Variants in ANAPC10 observed in about 807,000 individuals in gnomAD.
ANAPC10 encodes the protein anaphase promoting complex subunit 10.
A neutral mutation model predicts 22.0 loss-of-function variants in ANAPC10; 12 were observed. The ratio of observed to expected loss-of-function variants is 0.55; its 90% CI spans 0.35 to 0.88. ANAPC10 has a LOEUF of 0.88. Ranked by LOEUF, ANAPC10 falls within the 40% of genes least tolerant of loss-of-function variation. The probability of loss-of-function intolerance (pLI) is 0.01; values close to 1 mark genes in which losing one functional copy is unlikely to be tolerated. For synonymous variants in ANAPC10, 65 were observed against 69.5 expected, an observed-to-expected ratio of 0.94 and a Z score of 0.32; for missense variants, 188 against 220.9, an observed-to-expected ratio of 0.85 and a Z score of 0.94.
chr4:145,092,846 T>C (rs1747896287), intron 2 of ANAPC10, among the ~76,000 whole-genome samples: 1 of 152,020 alleles, frequency 6.6e-6, no homozygotes, highest in East Asian at 1.9e-4. Flanking sequence ...ACAAATACAA[T>C]CCATCCTTGC....
intron 4 of ANAPC10, among the ~76,000 whole-genome samples, chr4:145,016,572 T>C (rs1735180170): frequency 6.6e-6 from 1 of 152,140 alleles, no homozygotes; most frequent in Non-Finnish European, 1.5e-5. Context: ...TTCAATGCCA[T>C]CCACATCAAG....
At chr4:145,001,766 G>C (rs998119902) in intron 4 of ANAPC10, among the ~76,000 whole-genome samples, 4 of 152,016 alleles carry the variant, frequency 2.6e-5, no homozygotes, top group East Asian at 1.9e-4. Context: ...TGAAGACATC[G>C]ACATCTCTCA....
At chr4:145,065,338 T>C (rs995653514) in intron 3 of ANAPC10, among the ~76,000 whole-genome samples, 1 of 151,940 alleles carries the variant, frequency 6.6e-6, no homozygotes. Context: ...GTGTTCAACG[T>C]CTAATAATCA....
chr4:145,005,633 G>A (rs1266846407), intron 4 of ANAPC10, among the ~76,000 whole-genome samples: 2 of 152,162 alleles, frequency 1.3e-5, no homozygotes, highest in African/African-American at 4.8e-5. Context: ...TGCTTTGGCT[G>A]TGCCCCAGAG....
upstream of ANAPC10, chr4:145,098,382 C>T (rs938514943): frequency 1.3e-5 from 2 of 152,378 alleles, no homozygotes; most frequent in African/African-American, 4.8e-5. Flanking sequence ...CTGATTTGGC[C>T]TCTGTGCTCC....
chr4:144,997,026 G>T (rs891042600), intron 4 of ANAPC10, among the ~76,000 whole-genome samples: 2 of 152,092 alleles, frequency 1.3e-5, no homozygotes, highest in South Asian at 4.1e-4. Context: ...AGTGAGAAGA[G>T]AAGGTTAGAG....
At chr4:145,030,724 T>C (rs1235110124) in intron 4 of ANAPC10, among the ~76,000 whole-genome samples, 1 of 152,158 alleles carries the variant, frequency 6.6e-6, no homozygotes, top group African/African-American at 2.4e-5. Flanking sequence ...GTGAGAACTA[T>C]CATGGTGGGA....
chr4:145,045,838 G>T (rs1560870563), intron 4 of ANAPC10, among the ~76,000 whole-genome samples: 1 of 151,956 alleles, frequency 6.6e-6, no homozygotes, highest in Non-Finnish European at 1.5e-5. Context: ...GGGTATCAAG[G>T]TATCAATTTC....
chr4:145,011,978 C>T (rs1018754090), intron 4 of ANAPC10, among the ~76,000 whole-genome samples: 5 of 152,084 alleles, frequency 3.3e-5, no homozygotes, highest in African/African-American at 9.7e-5. Context: ...CTAGAGAGAA[C>T]CTTGCAAGAA....
At chr4:145,069,046 C>T (rs999840846) in intron 3 of ANAPC10, among the ~76,000 whole-genome samples, 6 of 152,146 alleles carry the variant, frequency 3.9e-5, no homozygotes, top group Non-Finnish European at 7.4e-5. Flanking sequence ...TCAGCAGATA[C>T]GGTCTTAAAA....
intron 3 of ANAPC10, among the ~76,000 whole-genome samples, chr4:145,067,967 T>C (rs1231338802): frequency 6.6e-6 from 1 of 152,172 alleles, no homozygotes; most frequent in African/African-American, 2.4e-5. Flanking sequence ...ATCTACTCCT[T>C]CCTGCTGCCT....
At chr4:145,049,989 T>C (rs576292076) in intron 4 of ANAPC10, among the ~76,000 whole-genome samples, 25 of 152,360 alleles carry the variant, frequency 1.6e-4, no homozygotes, top group African/African-American at 6.0e-4. Context: ...AAACTAATGT[T>C]AATGTTCATA....
chr4:145,034,301 T>C (rs1265906403), intron 4 of ANAPC10, among the ~76,000 whole-genome samples: 1 of 151,998 alleles, frequency 6.6e-6, no homozygotes, highest in Non-Finnish European at 1.5e-5. Flanking sequence ...TCTAATCAGC[T>C]TCCAGTGAAT....
At chr4:145,075,962 C>G (rs909384990) in intron 3 of ANAPC10, among the ~76,000 whole-genome samples, 2 of 152,110 alleles carry the variant, frequency 1.3e-5, no homozygotes, top group African/African-American at 4.8e-5. Context: ...GGATGGGGGC[C>G]AGTCTGATCT....
chr4:145,064,809 T>G, intron 3 of ANAPC10, 117 bp from the exon 4 acceptor site: 1 of 848,426 alleles, frequency 1.2e-6, no homozygotes, highest in Non-Finnish European at 1.7e-6. Context: ...GAATCAACAT[T>G]TTCATATCTT....
intron 2 of ANAPC10, among the ~76,000 whole-genome samples, chr4:145,086,617 G>C (rs1239841113): frequency 2.6e-5 from 4 of 152,068 alleles, no homozygotes; most frequent in African/African-American, 9.7e-5. Flanking sequence ...TCTAAGGCAA[G>C]GTTTCTCAAT....
At chr4:145,040,156 TG>T (rs1739299292) in intron 4 of ANAPC10, among the ~76,000 whole-genome samples, 1 of 151,868 alleles carries the variant, frequency 6.6e-6, no homozygotes, top group Non-Finnish European at 1.5e-5. Context: ...TGTGTGTGTG[TG>T]TGTGTGTTTT....
intron 4 of ANAPC10, among the ~76,000 whole-genome samples, chr4:145,025,598 T>C (rs1578949127): frequency 6.6e-6 from 1 of 152,086 alleles, no homozygotes; most frequent in African/African-American, 2.4e-5. Flanking sequence ...TGGGGACCCA[T>C]AACAATGACA....
intron 4 of ANAPC10, among the ~76,000 whole-genome samples, chr4:145,061,564 TATCAA>T (rs1742897793): frequency 6.6e-6 from 1 of 152,146 alleles, no homozygotes; most frequent in Admixed American, 6.5e-5. Flanking sequence ...ATACCACGTA[TATCAA>T]ATCAAAACAT....
Sources: gnomAD v4.1 joint callset for allele counts (sites outside exome capture counted in the v4.1 genomes callset) on GRCh38, gnomAD v4.1.1 for gene constraint, MANE v1.5 for transcripts, NCBI Gene and HGNC (gene_info 2026-07-23, HGNC 2026-07-21) for gene names.